Variants in DOK5 observed in about 807,000 individuals in gnomAD.
DOK5 encodes the protein docking protein 5.
A neutral mutation model predicts 43.3 loss-of-function variants in DOK5; 27 were observed. The observed-to-expected ratio is 0.62, with a 90% CI of 0.46 to 0.86. The LOEUF (loss-of-function observed/expected upper bound fraction) is 0.86. DOK5 is among the 40% of genes least tolerant of loss of function. The pLI, the probability that DOK5 is intolerant of heterozygous loss-of-function variation, is 0.00. For synonymous variants in DOK5, 146 were observed against 140.1 expected (o/e 1.04, Z -0.30); for missense variants, 373 against 392.9 (o/e 0.95, Z 0.43).
intron 6 of DOK5, among the ~76,000 whole-genome samples, chr20:54,626,143 G>A (rs1987122554): frequency 6.6e-6 from 1 of 152,190 alleles, no homozygotes; most frequent in South Asian, 2.1e-4. Context: ...TTTTAAGTTT[G>A]CAGACCCTGG....
intron 1 of DOK5, among the ~76,000 whole-genome samples, chr20:54,481,165 T>A (rs1258996240): frequency 6.6e-6 from 1 of 151,724 alleles, no homozygotes; most frequent in Non-Finnish European, 1.5e-5. Context: ...TATCTATCTA[T>A]CTATCTATCT....
intron 1 of DOK5, among the ~76,000 whole-genome samples, chr20:54,542,105 C>CAGACACACACAG (rs71659682): frequency 6.7e-6 from 1 of 150,214 alleles, no homozygotes. Flanking sequence ...AAGATACACA[C>CAGACACACACAG]ACACACACAC....
chr20:54,488,851 T>A (rs1012339884), intron 1 of DOK5, among the ~76,000 whole-genome samples: 1 of 150,808 alleles, frequency 6.6e-6, no homozygotes. Context: ...GAAGTAGGTG[T>A]TATTTTATGC....
chr20:54,511,667 T>C (rs1294122444), intron 1 of DOK5, among the ~76,000 whole-genome samples: 6 of 152,194 alleles, frequency 3.9e-5, no homozygotes, highest in Non-Finnish European at 7.3e-5. Context: ...GCTTATCAGA[T>C]TCAAAGGCCC....
At chr20:54,579,282 TA>T (rs1158688028) in intron 2 of DOK5, among the ~76,000 whole-genome samples, 1 of 152,020 alleles carries the variant, frequency 6.6e-6, no homozygotes, top group Non-Finnish European at 1.5e-5. Context: ...ATTAACTTAA[TA>T]AAAAAATACA....
chr20:54,549,834 T>C (rs1468215390), intron 1 of DOK5, among the ~76,000 whole-genome samples: 1 of 152,198 alleles, frequency 6.6e-6, no homozygotes. Context: ...GAACACATTC[T>C]TGGGGCATGT....
intron 6 of DOK5, among the ~76,000 whole-genome samples, chr20:54,616,136 A>T (rs911650543): frequency 6.6e-6 from 1 of 152,226 alleles, no homozygotes; most frequent in African/African-American, 2.4e-5. Context: ...TCTGCTCTGT[A>T]ACAGACAATG....
At chr20:54,494,674 T>A (rs1055717497) in intron 1 of DOK5, 2 of 152,080 alleles carry the variant, frequency 1.3e-5, no homozygotes, top group African/African-American at 4.8e-5. Context: ...ATAGATCATA[T>A]TTTATTTATT....
intron 1 of DOK5, among the ~76,000 whole-genome samples, chr20:54,548,181 A>G (rs1407047534): frequency 1.3e-5 from 2 of 152,204 alleles, no homozygotes; most frequent in Admixed American, 1.3e-4. Flanking sequence ...TGGAAGTTAT[A>G]CTATCATTGA....
chr20:54,599,044 T>C (rs1305644733), intron 5 of DOK5, among the ~76,000 whole-genome samples: 2 of 152,238 alleles, frequency 1.3e-5, no homozygotes, highest in Non-Finnish European at 2.9e-5. Context: ...AATATATGTG[T>C]ATTTGCATAT....
intron 2 of DOK5, among the ~76,000 whole-genome samples, chr20:54,569,129 T>G (rs1462610459): frequency 6.6e-6 from 1 of 152,170 alleles, no homozygotes; most frequent in African/African-American, 2.4e-5. Context: ...ATAAATTAGT[T>G]TTAGAGGTAA....
At chr20:54,611,521 A>G (rs1302408358) in intron 6 of DOK5, among the ~76,000 whole-genome samples, 1 of 152,182 alleles carries the variant, frequency 6.6e-6, no homozygotes, top group Non-Finnish European at 1.5e-5. Flanking sequence ...AGTTTGTGCC[A>G]CTGCACTTCA....
chr20:54,575,109 A>T (rs1194155883), intron 2 of DOK5, among the ~76,000 whole-genome samples: 3 of 152,248 alleles, frequency 2.0e-5, no homozygotes, highest in Non-Finnish European at 4.4e-5. Flanking sequence ...GAATAGAAAA[A>T]TTAAGGGCAC....
rs947237774 is a variant in DOK5, at chr20:54,610,571, A to T, written c.735+48A>T. 8.7e-6 allele frequency: 12 copies of T among 1,375,762 alleles called. No homozygotes were observed. The African/African-American group carries it at 1.6e-4, about 19-fold the overall frequency. The allele number at this position is 1,375,762 out of a possible 1,614,324, so 85.2% of individuals were successfully genotyped here. ...GTGTCCCAGTGCCTATCACTGCAGA[A>T]AGCAATTGGGTCATTTTTGTGCTGG... On this transcript the variant is annotated intron_variant, in intron 6 of 7. Transcript: ENST00000262593.
chr20:54,644,723 A>AACAAAAAAAAAACAC (rs779663636), intron 7 of DOK5, among the ~76,000 whole-genome samples: 5 of 142,404 alleles, frequency 3.5e-5, no homozygotes, highest in Non-Finnish European at 7.5e-5. Context: ...AAAAAAAAAA[A>AACAAAAAAAAAACAC]ACAAAATTTA....
In DOK5 at chr20:54,482,446, A is replaced by T. The variant is rs146013395; in HGVS notation, c.66+6434A>T. ...CATGCATTTTTTATGGTACCATGAC[A>T]AAGTCATAATCGTAGTATGAAAATT... On this transcript the variant is annotated intron_variant, in intron 1 of 7. Transcript: ENST00000262593. Among the ~76,000 whole-genome samples, 33 of 152,360 alleles carry T rather than the reference A, an allele frequency of 2.2e-4. No individual in the cohort carries two copies. In the East Asian group the frequency reaches 5.2e-3, roughly 24 times the overall value.
Position 54,589,295 on chromosome 20 carries a change from CT to C in DOK5, c.409+494del, listed in dbSNP as rs563992341. Among the ~76,000 whole-genome samples, 642 of 152,162 alleles carry C rather than the reference CT, an allele frequency of 4.2e-3. 4 individuals are homozygous for C. The highest frequency in any genetic ancestry group is 0.015 in the African/African-American group (630 of 41,508). Reference sequence around the variant, plus strand: ...TGTCATGGGCATTTTTTGGTCATGCCTTTTTCACTTAAAATGTTATCAACAA... The same window carrying C: ...TGTCATGGGCATTTTTTGGTCATGCCTTTTCACTTAAAATGTTATCAACAA... On this transcript the variant is annotated intron_variant, in intron 4 of 7. Transcript: ENST00000262593.
intron 7 of DOK5, among the ~76,000 whole-genome samples, chr20:54,647,848 A>T (rs970769312): frequency 5.3e-5 from 8 of 152,196 alleles, no homozygotes; most frequent in African/African-American, 1.9e-4. Context: ...CTGCACATCT[A>T]TTTGGACATG....
intron 6 of DOK5, among the ~76,000 whole-genome samples, chr20:54,642,549 C>A (rs376261768): frequency 0.01 from 977 of 96,088 alleles, no homozygotes; most frequent in Non-Finnish European, 0.013. Flanking sequence ...ACTAAAAATA[C>A]AAAAAAAAAA....
Sources: gnomAD v4.1 joint callset for allele counts (sites outside exome capture counted in the v4.1 genomes callset) on GRCh38, gnomAD v4.1.1 for gene constraint, MANE v1.5 for transcripts, NCBI Gene and HGNC (gene_info 2026-07-23, HGNC 2026-07-21) for gene names.